STPG2: variants seen among roughly 807,000 people sequenced by gnomAD.
STPG2 encodes sperm-tail PG-rich repeat-containing protein 2.
A neutral mutation model predicts 54.2 loss-of-function variants in STPG2; 56 were observed. The observed-to-expected ratio is 1.03, with a 90% CI of 0.83 to 1.29. The LOEUF (loss-of-function observed/expected upper bound fraction) is 1.29. Ranked by LOEUF, STPG2 falls within the 50% of genes most tolerant of loss-of-function variation. The probability of loss-of-function intolerance (pLI) is 0.00; values close to 1 mark genes in which losing one functional copy is unlikely to be tolerated. For missense variants in STPG2, 596 were observed against 544.9 expected (o/e 1.09, Z -0.93); for synonymous variants, 200 against 181.8 (o/e 1.10, Z -0.81).
intron 4 of STPG2, among the ~76,000 whole-genome samples, chr4:97,461,255 T>TTCTCTCTCTCTC (rs1301603913): frequency 6.6e-6 from 1 of 151,252 alleles, no homozygotes; most frequent in Non-Finnish European, 1.5e-5. Flanking sequence ...CTCTTTCTCT[T>TTCTCTCTCTCTC]TATCTCTCTC....
intron 9 of STPG2, among the ~76,000 whole-genome samples, chr4:97,823,683 G>A (rs962774875): frequency 5.9e-5 from 9 of 152,034 alleles, no homozygotes; most frequent in East Asian, 1.9e-4. Context: ...TCTTTCTGGC[G>A]AACCACAGAA....
chr4:97,524,039 G>C (rs1169984762), intron 4 of STPG2, among the ~76,000 whole-genome samples: 1 of 151,764 alleles, frequency 6.6e-6, no homozygotes, highest in Admixed American at 6.6e-5. Context: ...TGCTGATCAG[G>C]CATCCAACAA....
At chr4:97,678,975 A>G (rs569151800) in intron 10 of STPG2, among the ~76,000 whole-genome samples, 1 of 152,198 alleles carries the variant, frequency 6.6e-6, no homozygotes, top group African/African-American at 2.4e-5. Context: ...GTATGGCTGC[A>G]TTGTATTCCA....
chr4:97,631,791 A>G (rs1036070131), intron 10 of STPG2, among the ~76,000 whole-genome samples: 2 of 152,080 alleles, frequency 1.3e-5, no homozygotes, highest in Non-Finnish European at 2.9e-5. Flanking sequence ...AGATAAATGG[A>G]GCTGAGCAGT....
intron 6 of STPG2, 56 bp from the exon 7 acceptor site, chr4:97,972,496 T>C: frequency 9.8e-7 from 1 of 1,019,608 alleles, no homozygotes. Flanking sequence ...TATGCACCTT[T>C]TGAACTGAGT....
At chr4:97,590,959 A>G (rs545390821) in intron 10 of STPG2, among the ~76,000 whole-genome samples, 1 of 152,256 alleles carries the variant, frequency 6.6e-6, no homozygotes, top group East Asian at 1.9e-4. Flanking sequence ...TAAGTACAAG[A>G]CATCTCATAT....
At chr4:97,586,714 A>G (rs1733011082) in intron 10 of STPG2, among the ~76,000 whole-genome samples, 1 of 151,976 alleles carries the variant, frequency 6.6e-6, no homozygotes, top group African/African-American at 2.4e-5. Flanking sequence ...CATGAATTCT[A>G]TATTGGAAAA....
chr4:97,891,447 G>A (rs946213025), intron 8 of STPG2, among the ~76,000 whole-genome samples: 1 of 151,860 alleles, frequency 6.6e-6, no homozygotes, highest in Admixed American at 6.6e-5. Flanking sequence ...TCTCCTGAGT[G>A]CATGTTTAAG....
chr4:97,895,685 C>G (rs528573948), intron 8 of STPG2, among the ~76,000 whole-genome samples: 1 of 151,742 alleles, frequency 6.6e-6, no homozygotes, highest in Non-Finnish European at 1.5e-5. Flanking sequence ...ATCCCCTTCC[C>G]TTGTCTATCA....
intron 5 of STPG2, among the ~76,000 whole-genome samples, chr4:98,004,275 T>G (rs1436420261): frequency 6.6e-6 from 1 of 152,222 alleles, no homozygotes; most frequent in Admixed American, 6.6e-5. Flanking sequence ...CTTAGCATAA[T>G]GTCCTCCATG....
intron 8 of STPG2, among the ~76,000 whole-genome samples, chr4:97,925,401 A>G (rs1403047847): frequency 6.6e-6 from 1 of 152,246 alleles, no homozygotes; most frequent in East Asian, 1.9e-4. Context: ...ATTTATAAAA[A>G]GTTTAAAATG....
intron 10 of STPG2, among the ~76,000 whole-genome samples, chr4:97,598,839 T>C (rs192026890): frequency 2.4e-4 from 36 of 152,034 alleles, no homozygotes; most frequent in African/African-American, 8.7e-4. Flanking sequence ...ACCTAATAAA[T>C]ACCATTCTGG....
intron 10 of STPG2, among the ~76,000 whole-genome samples, chr4:97,701,949 A>C (rs925831745): frequency 6.6e-6 from 1 of 152,140 alleles, no homozygotes; most frequent in Admixed American, 6.6e-5. Flanking sequence ...CCATTGTTAG[A>C]TGTGACATAC....
chr4:98,089,915 ATTTG>A, intron 5 of STPG2, among the ~76,000 whole-genome samples: 1 of 150,510 alleles, frequency 6.6e-6, no homozygotes, highest in East Asian at 2.0e-4. Flanking sequence ...TTTCTTGTTT[ATTTG>A]TTTGACTTCC....
chr4:97,762,405 C>A (rs1725915658), intron 9 of STPG2, among the ~76,000 whole-genome samples: 1 of 152,128 alleles, frequency 6.6e-6, no homozygotes, highest in Admixed American at 6.6e-5. Context: ...CAACTAGTAG[C>A]TGATAACAGA....
chr4:97,586,548 A>G (rs1337179931), intron 10 of STPG2, among the ~76,000 whole-genome samples: 4 of 151,994 alleles, frequency 2.6e-5, no homozygotes, highest in Admixed American at 2.6e-4. Context: ...TGAAAATGAA[A>G]GACAAAATAA....
intron 4 of STPG2, among the ~76,000 whole-genome samples, chr4:97,502,891 T>C (rs1187318601): frequency 6.6e-6 from 1 of 150,816 alleles, no homozygotes; most frequent in Non-Finnish European, 1.5e-5. Flanking sequence ...TGAATAGCAA[T>C]CTCTCTCTCT....
intron 4 of STPG2, among the ~76,000 whole-genome samples, chr4:97,488,910 AATAG>A (rs1466058064): frequency 1.3e-5 from 2 of 151,692 alleles, no homozygotes; most frequent in East Asian, 1.9e-4. Flanking sequence ...TATATTGACA[AATAG>A]ATAGACAGAT....
intron 9 of STPG2, among the ~76,000 whole-genome samples, chr4:97,731,357 G>A (rs1018393339): frequency 7.9e-5 from 12 of 152,218 alleles, no homozygotes; most frequent in African/African-American, 1.4e-4. Context: ...GTTCGGTGGC[G>A]TCATTTAGGC....
Sources: allele counts gnomAD v4.1 joint callset (sites outside exome capture counted in the v4.1 genomes callset), GRCh38; gene constraint gnomAD v4.1.1; transcripts MANE v1.5; gene names NCBI Gene and HGNC (gene_info 2026-07-23, HGNC 2026-07-21).